Variants in MINAR1 observed in about 807,000 individuals in gnomAD.
The protein encoded by MINAR1 is membrane integral NOTCH2 associated receptor 1, also known as major intrinsically disordered Notch2-binding receptor 1.
In MINAR1, 40 loss-of-function variants were observed where a neutral mutation model predicts 65.1. The ratio of observed to expected loss-of-function variants is 0.61; its 90% CI spans 0.48 to 0.80. The LOEUF is 0.80. Ranked by LOEUF, MINAR1 falls within the 30% of genes least tolerant of loss-of-function variation. MINAR1 has a pLI of 0.00. For missense variants in MINAR1, 1,128 were observed against 1,148.0 expected, an observed-to-expected ratio of 0.98 and a Z score of 0.25; for synonymous variants, 482 against 449.1, an observed-to-expected ratio of 1.07 and a Z score of -0.93.
rs1385299785 is a variant in MINAR1 at position 79,470,877 on chromosome 15, A to G, written c.*2493A>G. On this transcript the variant is annotated 3_prime_UTR_variant, in exon 4 of 4. Coordinates refer to ENST00000305428, the MANE Select transcript of MINAR1 (RefSeq NM_015206.3). The stretch of plus-strand genomic sequence containing the variant: ...TAATACCAAGTCTGACGCTGAGGTT[A>G]TGAATCATTACCATGGCTTGGAGCT... 6.6e-6 allele frequency: 1 copy of G among 152,180 alleles called. No homozygotes were observed. The highest frequency in any genetic ancestry group is 2.4e-5 in the African/African-American group (1 of 41,432). 9.4% of individuals were successfully genotyped at this position (152,180 alleles called of 1,614,324 possible).
upstream of MINAR1, among the ~76,000 whole-genome samples, chr15:79,428,138 GTCCT>G (rs372452968): frequency 4.0e-3 from 613 of 151,910 alleles, 7 homozygotes; most frequent in African/African-American, 0.013. Flanking sequence ...CAAGATGAAA[GTCCT>G]TCCTTCCTTC....
Position 79,471,107 on chromosome 15 carries a change from C to G in MINAR1, c.*2723C>G, listed in dbSNP as rs1372164213. On this transcript the variant is annotated 3_prime_UTR_variant, in exon 4 of 4. Transcript: ENST00000305428. The stretch of plus-strand genomic sequence containing the variant: ...ATCTATCCATCTCTCTAATCTTTGC[C>G]CATCACCTCCTGTTGCAATGAGTTC... The G allele has an allele frequency of 2.0e-5, 3 of 152,144 alleles. No individual in the cohort carries two copies. 9.4% of individuals were successfully genotyped at this position (152,144 alleles called of 1,614,324 possible). A position where few individuals can be genotyped will look rare whatever the true frequency, so the allele number is the denominator to read the frequency against.
At chr15:79,455,953 A>G in intron 1 of MINAR1, 145 bp from the exon 2 acceptor site, 1 of 560,252 alleles carries the variant, frequency 1.8e-6, no homozygotes. Flanking sequence ...TGTTATGAAT[A>G]TTTTTACTGT....
the MINAR1 span, chr15:79,423,259 T>C: frequency 6.6e-6 from 1 of 152,168 alleles, no homozygotes; most frequent in Non-Finnish European, 1.5e-5. Context: ...ATTATGTTGA[T>C]GGTGAAACAA....
intron 1 of MINAR1, among the ~76,000 whole-genome samples, chr15:79,452,433 AGTCTGTGTGAGTGTGTGTGGGTGT>A (rs1443776178): frequency 6.9e-6 from 1 of 144,596 alleles, no homozygotes; most frequent in African/African-American, 2.6e-5. Context: ...TGTGTGGGTG[AGTCTGTGTGAGTGTGTGTGGGTGT>A]GAGTCTGGGT....
intron 1 of MINAR1, among the ~76,000 whole-genome samples, chr15:79,437,056 G>A (rs560870564): frequency 2.4e-4 from 37 of 152,194 alleles, no homozygotes; most frequent in Non-Finnish European, 4.7e-4. Context: ...TATTCAGGAA[G>A]CTAAACATGC....
chr15:79,428,279 T>TCTCC (rs200330814), upstream of MINAR1, among the ~76,000 whole-genome samples: 1 of 112,604 alleles, frequency 8.9e-6, no homozygotes, highest in African/African-American at 3.4e-5. Flanking sequence ...CTTCTCCCTC[T>TCTCC]CTCCCTCCCT....
At position 79,435,276 on chromosome 15, in the gene MINAR1, CAA is replaced by C. The variant is rs35709335; in HGVS notation, c.-51+2751_-51+2752del. Among the ~76,000 whole-genome samples the C allele has an allele frequency of 4.2e-3, 596 of 140,896 alleles. 6 individuals are homozygous for C. Among genetic ancestry groups the C allele is most frequent in the African/African-American group, 0.013 (478 of 36,478 alleles). The allele number at this position is 140,896 out of a possible 152,430, so 92.4% of individuals were successfully genotyped here. On this transcript the variant is annotated intron_variant, in intron 1 of 3. Coordinates refer to ENST00000305428, the MANE Select transcript of MINAR1 (RefSeq NM_015206.3). ...GGGCAACAAGAACAAAAATCCGTCT[CAA>C]AAAAAAAAAAAAAATACGCAAAACA...
chr15:79,414,401 A>G, the MINAR1 span: 2 of 152,218 alleles, frequency 1.3e-5, no homozygotes, highest in Admixed American at 6.5e-5. Context: ...AAAATTCTCA[A>G]TGATTTTTGT....
intron 2 of MINAR1, among the ~76,000 whole-genome samples, chr15:79,462,106 C>T (rs755177849): frequency 9.2e-5 from 14 of 152,266 alleles, no homozygotes; most frequent in Middle Eastern, 3.4e-3. Flanking sequence ...GACTTCATAT[C>T]GCCTCTAACC....
Position 79,471,505 on chromosome 15 carries a change from ATCC to A in MINAR1, c.*3122_*3124del, listed in dbSNP as rs1252097986. The A allele has an allele frequency of 1.3e-5, 2 of 152,596 alleles. No individual in the cohort carries two copies. The highest frequency in any genetic ancestry group is 3.8e-4 in the East Asian group (2 of 5,196). The allele number at this position is 152,596 out of a possible 1,614,324, so 9.5% of individuals were successfully genotyped here. On this transcript the variant is annotated 3_prime_UTR_variant, in exon 4 of 4. Coordinates refer to ENST00000305428, the MANE Select transcript of MINAR1 (RefSeq NM_015206.3). Reference sequence around the variant, plus strand: ...AGTAAACTAAATCATAACTTACATCATCCATTACTAGCTGATCATAAATTGTTA... The same window carrying A: ...AGTAAACTAAATCATAACTTACATCAATTACTAGCTGATCATAAATTGTTA...
At chr15:79,443,863 G>C in intron 1 of MINAR1, among the ~76,000 whole-genome samples, 2 of 152,228 alleles carry the variant, frequency 1.3e-5, no homozygotes, top group Middle Eastern at 3.4e-3. Context: ...AGCTTCAACT[G>C]TATTACCAAA....
At chr15:79,451,983 C>T (rs1895218592) in intron 1 of MINAR1, among the ~76,000 whole-genome samples, 2 of 152,042 alleles carry the variant, frequency 1.3e-5, no homozygotes, top group African/African-American at 4.8e-5. Flanking sequence ...CTAAGAGACA[C>T]CTAGGAGAGA....
Position 79,436,700 on chromosome 15 carries a change from G to A in MINAR1, c.-51+4160G>A, listed in dbSNP as rs117196258. 6.8e-3 allele frequency among the ~76,000 whole-genome samples: 1,033 copies of A among 152,242 alleles called. 43 individuals carry two copies. In the East Asian group the frequency reaches 0.13, roughly 19 times the overall value. ...CCTGCTCAATAGACTCCATGCATAC[G>A]CATGCATGTCATTTAATATTATCCT... is the stretch of plus-strand genomic sequence containing the variant. On this transcript the variant is annotated intron_variant, in intron 1 of 3. Coordinates refer to ENST00000305428, the MANE Select transcript of MINAR1 (RefSeq NM_015206.3).
chr15:79,460,107 C>T (rs1258304025), intron 2 of MINAR1, among the ~76,000 whole-genome samples: 3 of 152,330 alleles, frequency 2.0e-5, no homozygotes, highest in African/African-American at 4.8e-5. Flanking sequence ...CAGTCAGATC[C>T]GCTCGATAGG....
chr15:79,429,937 CTG>C (rs1894399779), upstream of MINAR1, among the ~76,000 whole-genome samples: 1 of 152,144 alleles, frequency 6.6e-6, no homozygotes, highest in African/African-American at 2.4e-5. Context: ...GTTACTGTAT[CTG>C]TGTCCACTTG....
rs189814655 is a variant in MINAR1, at chr15:79,434,164, C to G, written c.-51+1624C>G. Among the ~76,000 whole-genome samples the G allele has an allele frequency of 2.8e-4, 42 of 152,264 alleles. 1 individual carries two copies. The highest frequency in any genetic ancestry group is 2.3e-3 in the Admixed American group (35 of 15,298). Reference sequence around the variant, plus strand: ...GTTGCCAGAGAAAGAATAGATCAAACAGTTTATTTGAATTTCTGATGAGTT... The same window carrying G: ...GTTGCCAGAGAAAGAATAGATCAAAGAGTTTATTTGAATTTCTGATGAGTT... On this transcript the variant is annotated intron_variant, in intron 1 of 3. Coordinates refer to ENST00000305428, the MANE Select transcript of MINAR1 (RefSeq NM_015206.3).
rs1895475402 is a variant in MINAR1, at chr15:79,457,506, A to G, written c.1359A>G (p.Lys453=). Residue 453 remains lysine, a synonymous_variant, in exon 2 of 4, where the codon AAA becomes AAG. Coordinates refer to ENST00000305428, the MANE Select transcript of MINAR1 (RefSeq NM_015206.3). The part of the protein sequence containing the change: ...PVDLEKHEPV[K]KFKDKSINCT... Reference sequence around the variant, plus strand: ...ACCTGGAGAAGCATGAACCAGTCAAAAAGTTTAAAGACAAGAGCATTAACT... The same window carrying G: ...ACCTGGAGAAGCATGAACCAGTCAAGAAGTTTAAAGACAAGAGCATTAACT... The G allele has an allele frequency of 4.3e-6, 7 of 1,614,204 alleles. No individual in the cohort carries two copies. The highest frequency in any genetic ancestry group is 5.9e-6 in the Non-Finnish European group (7 of 1,180,024).
At chr15:79,431,812 G>A (rs551128791), upstream of MINAR1, among the ~76,000 whole-genome samples, 16 of 152,334 alleles carry the variant, frequency 1.1e-4, no homozygotes, top group African/African-American at 3.8e-4. Context: ...CGCAGCTTCC[G>A]CTCGCTTTCC....
Sources: gnomAD v4.1 joint callset for allele counts (sites outside exome capture counted in the v4.1 genomes callset) on GRCh38, gnomAD v4.1.1 for gene constraint, MANE v1.5 for transcripts, NCBI Gene and HGNC (gene_info 2026-07-23, HGNC 2026-07-21) for gene names.